PIK3C2A: variants seen among roughly 807,000 people sequenced by gnomAD.
PIK3C2A encodes phosphatidylinositol 4-phosphate 3-kinase C2 domain-containing subunit alpha.
PIK3C2A carries 97 observed loss-of-function variants against 204.5 expected under a neutral mutation model. The observed-to-expected ratio is 0.47, with a 90% confidence interval of 0.40 to 0.56. The LOEUF (loss-of-function observed/expected upper bound fraction) is 0.56. Among genes scored for constraint, PIK3C2A ranks in the 20% least tolerant of loss-of-function variants. The probability of loss-of-function intolerance (pLI) is 0.00; values close to 1 mark genes in which losing one functional copy is unlikely to be tolerated. For synonymous variants in PIK3C2A, 653 were observed against 664.4 expected (o/e 0.98, Z 0.26); for missense variants, 1,735 against 1,969.2 (o/e 0.88, Z 2.25).
At chr11:17,126,004 A>AGTGTGCC (rs1849509859) in intron 13 of PIK3C2A, among the ~76,000 whole-genome samples, 1 of 152,032 alleles carries the variant, frequency 6.6e-6, no homozygotes, top group African/African-American at 2.4e-5. Context: ...CACACCTGTA[A>AGTGTGCC]TCTCAGCTAC....
In PIK3C2A at chr11:17,131,836, A is replaced by G; in HGVS notation, c.2231+80T>C. 4 of 1,105,898 alleles carry G rather than the reference A, an allele frequency of 3.6e-6. No homozygotes were observed. In the South Asian group the frequency reaches 5.5e-5, roughly 15 times the overall value. 68.5% of individuals were successfully genotyped at this position (1,105,898 alleles called of 1,614,324 possible). On this transcript the variant is annotated intron_variant, in intron 12 of 32. Coordinates refer to ENST00000691414, the MANE Select transcript of PIK3C2A (RefSeq NM_002645.4). Reference sequence around the variant, plus strand: ...AATTTCAATGAAAATTGCAATAAAAATTAAAGCTAGGATGCATACATTGGA... The same window carrying G: ...AATTTCAATGAAAATTGCAATAAAAGTTAAAGCTAGGATGCATACATTGGA...
At position 17,122,100 on chromosome 11, in the gene PIK3C2A, A is replaced by G. The variant is rs543081021; in HGVS notation, c.2657+88T>C. The G allele has an allele frequency of 9.8e-5, 74 of 752,028 alleles. No individual in the cohort carries two copies. The Middle Eastern group carries it at 1.1e-3, about 11-fold the overall frequency. 46.6% of individuals were successfully genotyped at this position (752,028 alleles called of 1,614,324 possible). On this transcript the variant is annotated intron_variant, in intron 15 of 32. Coordinates refer to ENST00000691414, the MANE Select transcript of PIK3C2A (RefSeq NM_002645.4). ...ACACCAAGAAAGCTGATAAATCATGAACAGAATCAGGTTATTTAATGTAAG... is the reference window on the plus strand; with the variant it reads ...ACACCAAGAAAGCTGATAAATCATGGACAGAATCAGGTTATTTAATGTAAG...
rs781211430 is a variant in PIK3C2A at position 17,136,635 on chromosome 11, T to TA, written c.1705-11dup. On this transcript the variant is annotated splice_polypyrimidine_tract_variant and intron_variant, in intron 8 of 32. Coordinates refer to ENST00000691414, the MANE Select transcript of PIK3C2A (RefSeq NM_002645.4). The stretch of plus-strand genomic sequence containing the variant: ...CTGCTCGGTGTTGGTTCTTTAAAAA[T>TA]AAAAAATAAAATAAAAATAGGTAGG... The TA allele has an allele frequency of 4.7e-6, 7 of 1,489,316 alleles. No individual in the cohort carries two copies. Among genetic ancestry groups the TA allele is most frequent in the Non-Finnish European group, 5.5e-6 (6 of 1,100,884 alleles). 92.3% of individuals were successfully genotyped at this position (1,489,316 alleles called of 1,614,324 possible).
intron 1 of PIK3C2A, among the ~76,000 whole-genome samples, chr11:17,170,414 G>A (rs1851119777): frequency 6.6e-6 from 1 of 152,112 alleles, no homozygotes; most frequent in South Asian, 2.1e-4. Flanking sequence ...AAAGTGTTAA[G>A]GCTTATTAGA....
Position 17,099,892 on chromosome 11 carries a change from A to G in PIK3C2A, c.4086T>C (p.Thr1362=). ...AGAAAATTGTAGCTTCTGCGTCTGT[A>G]GTTTGGGGTTGAAGTGCATCTCTAA... ...KYVRDALQPQ[T]TDAEATIFFT... Residue 1362 remains threonine (T), a synonymous_variant, in exon 26 of 33, where the codon ACT becomes ACC. Coordinates refer to ENST00000691414, the MANE Select transcript of PIK3C2A (RefSeq NM_002645.4). The G allele has an allele frequency of 4.4e-6, 7 of 1,574,942 alleles. No homozygotes were observed. The highest frequency in any genetic ancestry group is 6.1e-6 in the Non-Finnish European group (7 of 1,144,798).
At chr11:17,203,947 G>A (rs1055768359) in intron 1 of PIK3C2A, among the ~76,000 whole-genome samples, 6 of 152,134 alleles carry the variant, frequency 3.9e-5, no homozygotes, top group African/African-American at 7.2e-5. Flanking sequence ...GGTGGCGGGC[G>A]CCTGTAGTCC....
Position 17,119,823 on chromosome 11 carries a change from A to G in PIK3C2A, c.2809T>C (p.Leu937=), listed in dbSNP as rs935360714. Residue 937 remains leucine (L), a synonymous_variant, in exon 16 of 33, where the codon TTG becomes CTG. Transcript: ENST00000691414. ...AGTTCCAATGCAATTAGTGGGTACA[A>G]TGCAGGCCACTGGTGAAGCAATGAG... ...TYSLLHQWPA[L]YPLIALELLD... 1.9e-6 allele frequency: 3 copies of G among 1,603,084 alleles called. No individual in the cohort carries two copies. In the South Asian group the frequency reaches 3.4e-5, roughly 18 times the overall value.
chr11:17,130,806 C>CAAA (rs1224352745), intron 12 of PIK3C2A, among the ~76,000 whole-genome samples: 1 of 54,720 alleles, frequency 1.8e-5, no homozygotes. Context: ...GACTCCATCT[C>CAAA]AAAAAAAAAA....
At chr11:17,123,087 A>G (rs1288187294) in intron 13 of PIK3C2A, among the ~76,000 whole-genome samples, 5 of 152,200 alleles carry the variant, frequency 3.3e-5, no homozygotes, top group African/African-American at 1.2e-4. Context: ...CAAAAAAGGT[A>G]AGGACTCAGA....
chr11:17,152,162 T>TG (rs1850443496), intron 3 of PIK3C2A, among the ~76,000 whole-genome samples: 1 of 152,194 alleles, frequency 6.6e-6, no homozygotes, highest in Non-Finnish European at 1.5e-5. Context: ...AATGTGAATG[T>TG]AATTATGTCA....
At chr11:17,202,718 A>G (rs1275314167) in intron 1 of PIK3C2A, among the ~76,000 whole-genome samples, 3 of 152,246 alleles carry the variant, frequency 2.0e-5, no homozygotes, top group Non-Finnish European at 4.4e-5. Flanking sequence ...CTCACAGGTA[A>G]TAAGGTCTTG....
At chr11:17,198,077 A>G (rs1852224083) in intron 1 of PIK3C2A, among the ~76,000 whole-genome samples, 1 of 151,800 alleles carries the variant, frequency 6.6e-6, no homozygotes, top group Non-Finnish European at 1.5e-5. Context: ...TGTAGCAGCA[A>G]GCAAATATCA....
chr11:17,164,707 T>C (rs1168616940), intron 2 of PIK3C2A, among the ~76,000 whole-genome samples: 2 of 152,198 alleles, frequency 1.3e-5, no homozygotes, highest in African/African-American at 4.8e-5. Context: ...TTAACTAAGA[T>C]CTAGGAACTT....
At chr11:17,184,107 G>GT (rs1279898683) in intron 1 of PIK3C2A, among the ~76,000 whole-genome samples, 2 of 151,682 alleles carry the variant, frequency 1.3e-5, no homozygotes, top group Non-Finnish European at 2.9e-5. Flanking sequence ...TGAGCACAGA[G>GT]TAAGATCCTG....
intron 1 of PIK3C2A, among the ~76,000 whole-genome samples, chr11:17,178,754 G>T (rs569835805): frequency 7.6e-6 from 1 of 131,124 alleles, no homozygotes; most frequent in Admixed American, 8.9e-5. Flanking sequence ...ACGGAGTCTC[G>T]CTCTGTCGCC....
intron 22 of PIK3C2A, among the ~76,000 whole-genome samples, chr11:17,110,038 C>G (rs1014766517): frequency 6.6e-6 from 1 of 152,014 alleles, no homozygotes; most frequent in African/African-American, 2.4e-5. Context: ...CTGCAGCCTC[C>G]GCCTCCCAAG....
intron 1 of PIK3C2A, among the ~76,000 whole-genome samples, chr11:17,197,280 A>T (rs753738114): frequency 4.6e-5 from 7 of 152,078 alleles, no homozygotes; most frequent in Non-Finnish European, 8.8e-5. Flanking sequence ...TCAGCTTCCC[A>T]AAGTGCTGGG....
At chr11:17,162,288 C>G (rs930485559) in intron 2 of PIK3C2A, among the ~76,000 whole-genome samples, 1 of 151,070 alleles carries the variant, frequency 6.6e-6, no homozygotes, top group Non-Finnish European at 1.5e-5. Context: ...TTGCAGTGAG[C>G]CAAGATTGCA....
At chr11:17,173,542 T>C (rs1171323696) in intron 1 of PIK3C2A, among the ~76,000 whole-genome samples, 2 of 152,180 alleles carry the variant, frequency 1.3e-5, no homozygotes, top group Middle Eastern at 3.2e-3. Context: ...GGCATCTGGA[T>C]CCAACTAAGC....
Sources: gnomAD v4.1 joint callset for allele counts (sites outside exome capture counted in the v4.1 genomes callset) on GRCh38, gnomAD v4.1.1 for gene constraint, MANE v1.5 for transcripts, NCBI Gene and HGNC (gene_info 2026-07-23, HGNC 2026-07-21) for gene names.